The following GREM2 variants were observed in gnomAD, a reference collection of about 807,000 sequenced individuals.
The protein encoded by GREM2 is gremlin-2.
GREM2 carries 11 observed loss-of-function variants against 14.2 expected under a neutral mutation model. The ratio of observed to expected loss-of-function variants is 0.78; its 90% confidence interval spans 0.49 to 1.28. The LOEUF (loss-of-function observed/expected upper bound fraction) is 1.28. Ranked by LOEUF, GREM2 falls within the 50% of genes most tolerant of loss-of-function variation. GREM2 has a pLI of 0.00. For synonymous variants in GREM2, 98 were observed against 97.6 expected (o/e 1.00, Z -0.02); for missense variants, 210 against 218.5 (o/e 0.96, Z 0.24).
chr1:240,574,078 A>T (rs1243245536), intron 1 of GREM2, among the ~76,000 whole-genome samples: 1 of 151,684 alleles, frequency 6.6e-6, no homozygotes, highest in Non-Finnish European at 1.5e-5. Context: ...CCACCACCAT[A>T]CCTGGCTAAT....
intron 1 of GREM2, among the ~76,000 whole-genome samples, chr1:240,603,752 T>C (rs1008712550): frequency 6.6e-6 from 1 of 152,048 alleles, no homozygotes; most frequent in Non-Finnish European, 1.5e-5. Context: ...TATATATACA[T>C]ACATATACAT....
At chr1:240,520,631 C>A (rs1293319444) in intron 1 of GREM2, among the ~76,000 whole-genome samples, 1 of 152,058 alleles carries the variant, frequency 6.6e-6, no homozygotes, top group Non-Finnish European at 1.5e-5. Flanking sequence ...CTACCTCTGC[C>A]TCCTGGGTTC....
intron 1 of GREM2, among the ~76,000 whole-genome samples, chr1:240,521,647 G>A (rs1678101263): frequency 1.3e-5 from 2 of 152,062 alleles, no homozygotes; most frequent in Non-Finnish European, 2.9e-5. Context: ...GAAATGGCAG[G>A]TGAAAATGAC....
chr1:240,584,454 C>T (rs1006464382), intron 1 of GREM2, among the ~76,000 whole-genome samples: 11 of 143,794 alleles, frequency 7.6e-5, no homozygotes, highest in African/African-American at 2.6e-4. Flanking sequence ...GAGATCAAGC[C>T]ACTGGACTCC....
chr1:240,515,343 T>C (rs1677929577), intron 1 of GREM2, among the ~76,000 whole-genome samples: 1 of 152,238 alleles, frequency 6.6e-6, no homozygotes, highest in African/African-American at 2.4e-5. Flanking sequence ...ATTTACTAAA[T>C]GATTTTTGTT....
At chr1:240,591,003 AAT>A (rs1679702328) in intron 1 of GREM2, among the ~76,000 whole-genome samples, 14 of 149,966 alleles carry the variant, frequency 9.3e-5, no homozygotes, top group Admixed American at 5.3e-4. Flanking sequence ...GCTGGTCTCA[AAT>A]GCCTGACCTC....
intron 1 of GREM2, among the ~76,000 whole-genome samples, chr1:240,585,729 C>CAAAA (rs370321961): frequency 4.4e-5 from 3 of 67,824 alleles, no homozygotes; most frequent in Admixed American, 2.1e-4. Context: ...GACTCCATCT[C>CAAAA]AAAAAAAAAA....
intron 1 of GREM2, 49 bp from the exon 2 acceptor site, chr1:240,493,525 G>T (rs767678857): frequency 2.0e-6 from 3 of 1,482,766 alleles, no homozygotes; most frequent in Admixed American, 5.1e-5. Flanking sequence ...CGTAGAGTAC[G>T]GGATCAATCT....
chr1:240,506,788 A>G (rs560460240), intron 1 of GREM2, among the ~76,000 whole-genome samples: 13 of 152,368 alleles, frequency 8.5e-5, no homozygotes, highest in African/African-American at 2.9e-4. Context: ...TCCCTGGAAT[A>G]AGACAAAGAA....
intron 1 of GREM2, among the ~76,000 whole-genome samples, chr1:240,604,693 C>T (rs938370317): frequency 6.6e-6 from 1 of 152,140 alleles, no homozygotes; most frequent in Admixed American, 6.5e-5. Context: ...CATGGTGGCT[C>T]CCGCCTATAA....
intron 1 of GREM2, chr1:240,549,926 A>G (rs1027550474): frequency 6.6e-6 from 1 of 152,364 alleles, no homozygotes; most frequent in African/African-American, 2.4e-5. Context: ...TCTACCATGG[A>G]TGAGGCAAAT....
intron 1 of GREM2, among the ~76,000 whole-genome samples, chr1:240,541,511 T>C (rs1678587806): frequency 6.6e-6 from 1 of 152,234 alleles, no homozygotes; most frequent in African/African-American, 2.4e-5. Context: ...CAAAGACTGA[T>C]TGATTTCCTA....
At chr1:240,503,655 C>T (rs1677617815) in intron 1 of GREM2, among the ~76,000 whole-genome samples, 1 of 152,192 alleles carries the variant, frequency 6.6e-6, no homozygotes. Flanking sequence ...CTACCACATG[C>T]AAGGCTGCTT....
chr1:240,562,753 ATG>A (rs1254705907), intron 1 of GREM2, among the ~76,000 whole-genome samples: 6 of 150,068 alleles, frequency 4.0e-5, no homozygotes, highest in African/African-American at 1.5e-4. Flanking sequence ...GTGCACGCAT[ATG>A]TGTGTATGTA....
chr1:240,503,004 A>G lies in GREM2; in HGVS notation c.-1-9528T>C, dbSNP rs78159384. On this transcript the variant is annotated intron_variant, in intron 1 of 1. Transcript: ENST00000318160. ...AAGAGACATGCCAGGAGAAACTACCATTCAGGTCTTTATTGTGGTTAGGCA... is the reference window on the plus strand; with the variant it reads ...AAGAGACATGCCAGGAGAAACTACCGTTCAGGTCTTTATTGTGGTTAGGCA... 2.7e-3 allele frequency among the ~76,000 whole-genome samples: 407 copies of G among 152,326 alleles called. 2 individuals are homozygous for G. The highest frequency in any genetic ancestry group is 9.4e-3 in the African/African-American group (390 of 41,582).
intron 1 of GREM2, among the ~76,000 whole-genome samples, chr1:240,545,575 C>T (rs1334247262): frequency 1.3e-5 from 2 of 152,226 alleles, no homozygotes; most frequent in African/African-American, 2.4e-5. Context: ...GGACTTAATG[C>T]TTGGCATCAG....
At chr1:240,608,441 C>T (rs1680073396) in intron 1 of GREM2, among the ~76,000 whole-genome samples, 1 of 152,146 alleles carries the variant, frequency 6.6e-6, no homozygotes, top group African/African-American at 2.4e-5. Flanking sequence ...AAATACAATG[C>T]ATTATCCAGG....
intron 1 of GREM2, among the ~76,000 whole-genome samples, chr1:240,517,778 G>A (rs965520824): frequency 1.3e-5 from 2 of 152,152 alleles, no homozygotes; most frequent in African/African-American, 4.8e-5. Context: ...ATCACACGTA[G>A]AGGCTTGGCT....
chr1:240,564,536 T>C (rs1679138062), intron 1 of GREM2, among the ~76,000 whole-genome samples: 1 of 151,434 alleles, frequency 6.6e-6, no homozygotes, highest in African/African-American at 2.4e-5. Flanking sequence ...AATAAATAAA[T>C]AAATAATAAA....
Sources: allele counts gnomAD v4.1 joint callset (sites outside exome capture counted in the v4.1 genomes callset), GRCh38; gene constraint gnomAD v4.1.1; transcripts MANE v1.5; gene names NCBI Gene and HGNC (gene_info 2026-07-23, HGNC 2026-07-21).